GREM2: variants seen among roughly 807,000 people sequenced by gnomAD.
The protein encoded by GREM2 is gremlin 2, DAN family BMP antagonist, also known as gremlin-2.
In GREM2, 11 loss-of-function variants were observed where a neutral mutation model predicts 14.2. The observed-to-expected ratio is 0.78, with a 90% confidence interval of 0.49 to 1.28. The LOEUF (loss-of-function observed/expected upper bound fraction) is 1.28. Among genes scored for constraint, GREM2 ranks in the 50% most tolerant of loss-of-function variants. The pLI, the probability that GREM2 is intolerant of heterozygous loss-of-function variation, is 0.00. For synonymous variants in GREM2, 98 were observed against 97.6 expected, an observed-to-expected ratio of 1.00 and a Z score of -0.02; for missense variants, 210 against 218.5, an observed-to-expected ratio of 0.96 and a Z score of 0.24.
At chr1:240,539,792 T>A (rs893630929) in intron 1 of GREM2, among the ~76,000 whole-genome samples, 2 of 152,232 alleles carry the variant, frequency 1.3e-5, no homozygotes, top group Non-Finnish European at 2.9e-5. Context: ...GTAATCTACA[T>A]CTCTGAATTG....
At chr1:240,496,630 A>G (rs1677424922) in intron 1 of GREM2, among the ~76,000 whole-genome samples, 1 of 152,300 alleles carries the variant, frequency 6.6e-6, no homozygotes, top group South Asian at 2.1e-4. Context: ...TGGGAATGTA[A>G]GGTCCAAGAG....
At chr1:240,575,647 A>T (rs543485654) in intron 1 of GREM2, among the ~76,000 whole-genome samples, 1 of 151,798 alleles carries the variant, frequency 6.6e-6, no homozygotes, top group African/African-American at 2.4e-5. Context: ...CAGTCTCCTG[A>T]ATAGCCGGGA....
At chr1:240,592,817 C>A (rs1002133238) in intron 1 of GREM2, among the ~76,000 whole-genome samples, 3 of 152,060 alleles carry the variant, frequency 2.0e-5, no homozygotes, top group Non-Finnish European at 4.4e-5. Context: ...CTCCACTTTG[C>A]CTCTCTGCTC....
chr1:240,521,393 C>G (rs553938024), intron 1 of GREM2, among the ~76,000 whole-genome samples: 183 of 151,868 alleles, frequency 1.2e-3, no homozygotes, highest in Non-Finnish European at 2.4e-3. Flanking sequence ...ACGGTGAAAC[C>G]CCGTCTCTAC....
chr1:240,555,100 G>A (rs1453561611), intron 1 of GREM2, among the ~76,000 whole-genome samples: 2 of 151,980 alleles, frequency 1.3e-5, no homozygotes, highest in African/African-American at 4.8e-5. Flanking sequence ...AGCTGAGATC[G>A]TACCATTGGA....
At chr1:240,498,993 C>T (rs1176450042) in intron 1 of GREM2, among the ~76,000 whole-genome samples, 8 of 152,276 alleles carry the variant, frequency 5.3e-5, no homozygotes, top group Non-Finnish European at 1.0e-4. Flanking sequence ...TTTAAGTGAA[C>T]GCCCTCAGGC....
At chr1:240,537,856 A>G (rs1284122865) in intron 1 of GREM2, among the ~76,000 whole-genome samples, 1 of 152,226 alleles carries the variant, frequency 6.6e-6, no homozygotes, top group Non-Finnish European at 1.5e-5. Context: ...ACTCTTTTAT[A>G]CAAATATAAT....
In GREM2 at chr1:240,540,025, T is replaced by C. The variant is rs1344705119; in HGVS notation, c.-1-46549A>G. Among the ~76,000 whole-genome samples, 1 of 152,232 alleles carries C rather than the reference T, an allele frequency of 6.6e-6. No homozygotes were observed. Among genetic ancestry groups the C allele is most frequent in the Non-Finnish European group, 1.5e-5 (1 of 68,030 alleles). ...ACTCAGATGCCTCAGGATCCCTTGC[T>C]ATGTGCTGAGATTTTCTGTCTTATG... On this transcript the variant is annotated intron_variant, in intron 1 of 1. Coordinates refer to ENST00000318160, the MANE Select transcript of GREM2 (RefSeq NM_022469.4). The surrounding 1 kb of genome is among the most constrained non-coding windows in gnomAD (Gnocchi z 4.2).
chr1:240,514,291 C>T (rs1004108760), intron 1 of GREM2, among the ~76,000 whole-genome samples: 5 of 143,114 alleles, frequency 3.5e-5, no homozygotes, highest in African/African-American at 1.0e-4. Context: ...ATAAAAACAA[C>T]GTGTCACATA....
intron 1 of GREM2, among the ~76,000 whole-genome samples, chr1:240,499,934 T>A (rs1677529073): frequency 6.6e-6 from 1 of 152,210 alleles, no homozygotes; most frequent in Admixed American, 6.5e-5. Context: ...AACACTTTGC[T>A]AAGTCCTGCT....
At chr1:240,546,273 A>G (rs1678713634) in intron 1 of GREM2, among the ~76,000 whole-genome samples, 1 of 152,026 alleles carries the variant, frequency 6.6e-6, no homozygotes, top group African/African-American at 2.4e-5. Flanking sequence ...TGGGAGGCAG[A>G]GGTTGCAGTG....
At chr1:240,545,792 C>T (rs1193137362) in intron 1 of GREM2, among the ~76,000 whole-genome samples, 1 of 152,124 alleles carries the variant, frequency 6.6e-6, no homozygotes, top group African/African-American at 2.4e-5. Flanking sequence ...GAGTGACAGT[C>T]GAAGAGGAAG....
intron 1 of GREM2, among the ~76,000 whole-genome samples, chr1:240,500,781 T>C (rs1677554234): frequency 6.6e-6 from 1 of 152,210 alleles, no homozygotes; most frequent in African/African-American, 2.4e-5. Context: ...TGCTTCCAGT[T>C]TTTCACTATT....
chr1:240,520,649 TCTC>T (rs1678063780), intron 1 of GREM2, among the ~76,000 whole-genome samples: 1 of 152,016 alleles, frequency 6.6e-6, no homozygotes, highest in African/African-American at 2.4e-5. Context: ...TTCAAGCAAT[TCTC>T]CTGCCTCAGC....
At chr1:240,548,269 T>C (rs1192812939) in intron 1 of GREM2, among the ~76,000 whole-genome samples, 1 of 151,950 alleles carries the variant, frequency 6.6e-6, no homozygotes, top group Non-Finnish European at 1.5e-5. Flanking sequence ...AGTGAGACTC[T>C]GTCTCAGAAA....
chr1:240,600,676 G>C (rs1226613915), intron 1 of GREM2, among the ~76,000 whole-genome samples: 1 of 152,058 alleles, frequency 6.6e-6, no homozygotes, highest in East Asian at 1.9e-4. Flanking sequence ...TAGAGACGGG[G>C]CTTCACCATG....
intron 1 of GREM2, among the ~76,000 whole-genome samples, chr1:240,533,533 A>G (rs993564401): frequency 6.6e-6 from 1 of 150,798 alleles, no homozygotes; most frequent in African/African-American, 2.4e-5. Context: ...TTATGTAATA[A>G]GAAAGTCCCA....
At chr1:240,572,824 T>C (rs1362330214) in intron 1 of GREM2, among the ~76,000 whole-genome samples, 2 of 152,108 alleles carry the variant, frequency 1.3e-5, no homozygotes, top group South Asian at 2.1e-4. Flanking sequence ...TACTTGTCAG[T>C]AAGGAATATG....
Position 240,510,299 on chromosome 1 carries a change from G to C in GREM2, c.-1-16823C>G, listed in dbSNP as rs1222467431. Among the ~76,000 whole-genome samples, 4 of 150,548 alleles carry C rather than the reference G, an allele frequency of 2.7e-5. No individual in the cohort carries two copies. In the East Asian group the frequency reaches 5.9e-4, roughly 22 times the overall value. Reference sequence around the variant, plus strand: ...GCAGGAGAATGGCGTGAACCGGGGAGGCGGAGCTTGCACTGAGCAGAGATC... The same window carrying C: ...GCAGGAGAATGGCGTGAACCGGGGACGCGGAGCTTGCACTGAGCAGAGATC... On this transcript the variant is annotated intron_variant, in intron 1 of 1. Coordinates refer to ENST00000318160, the MANE Select transcript of GREM2 (RefSeq NM_022469.4).
Sources: gnomAD v4.1 joint callset for allele counts (sites outside exome capture counted in the v4.1 genomes callset) on GRCh38, gnomAD v4.1.1 for gene constraint, Gnocchi (gnomAD v3.1) non-coding constraint, MANE v1.5 for transcripts, NCBI Gene and HGNC (gene_info 2026-07-23, HGNC 2026-07-21) for gene names.